EFHC2: variants seen among roughly 807,000 people sequenced by gnomAD.
EFHC2 encodes EF-hand domain-containing family member C2.
A neutral mutation model predicts 52.7 loss-of-function variants in EFHC2; 18 were observed. The ratio of observed to expected loss-of-function variants is 0.34; its 90% CI spans 0.24 to 0.51. The LOEUF (loss-of-function observed/expected upper bound fraction) is 0.51. Among genes scored for constraint, EFHC2 ranks in the 20% least tolerant of loss-of-function variants. The pLI is 0.97. For missense variants in EFHC2, 513 were observed against 562.5 expected (o/e 0.91, Z 0.89); for synonymous variants, 203 against 204.1 (o/e 0.99, Z 0.04).
chrX:44,275,118 T>C (rs1316740198), intron 2 of EFHC2, among the ~76,000 whole-genome samples: 2 of 111,613 alleles, frequency 1.8e-5, no homozygotes, highest in African/African-American at 3.3e-5. Context: ...TACACTGGCA[T>C]AGGTCAATTG....
intron 2 of EFHC2, among the ~76,000 whole-genome samples, chrX:44,276,299 G>A (rs974731014): frequency 8.1e-5 from 9 of 111,292 alleles, no homozygotes; most frequent in Non-Finnish European, 1.1e-4. Flanking sequence ...ATGGTGGTGC[G>A]TGCCTCATAG....
chrX:44,309,508 A>G (rs945458240), intron 2 of EFHC2: 2 of 1,209,254 alleles, frequency 1.7e-6, no homozygotes, highest in Non-Finnish European at 2.2e-6. Context: ...CACAAACTCA[A>G]TGTATTGCTT....
chrX:44,273,000 T>G (rs2037628562), intron 2 of EFHC2, among the ~76,000 whole-genome samples, 164 bp from the exon 3 acceptor site: 1 of 112,244 alleles, frequency 8.9e-6, no homozygotes, highest in Non-Finnish European at 1.9e-5. Context: ...GGATATACAA[T>G]CTAAGATACA....
At chrX:44,295,059 A>G (rs1280650014) in intron 2 of EFHC2, among the ~76,000 whole-genome samples, 2 of 111,683 alleles carry the variant, frequency 1.8e-5, no homozygotes. Flanking sequence ...GAGGTTAAGT[A>G]ATCTACACAC....
At position 44,191,325 on chromosome X, in the gene EFHC2, T is replaced by C. The variant is rs189881447; in HGVS notation, c.1752-12761A>G. On this transcript the variant is annotated intron_variant, in intron 11 of 14. Transcript: ENST00000420999. ...ATCTCAGCTCACTGTAACCTCCGCC[T>C]CCCGGGTTTAAGCGATTCTCCTGCC... 3.6e-4 allele frequency among the ~76,000 whole-genome samples: 40 copies of C among 110,774 alleles called. No homozygotes were observed. The South Asian group carries it at 0.014, about 38-fold the overall frequency.
intron 2 of EFHC2, among the ~76,000 whole-genome samples, chrX:44,277,834 A>G (rs1313831032): frequency 9.0e-6 from 1 of 110,934 alleles, no homozygotes; most frequent in East Asian, 2.8e-4. Context: ...TGTACCAAAA[A>G]TAAATCTAAA....
intron 14 of EFHC2, among the ~76,000 whole-genome samples, chrX:44,153,995 T>G (rs2036589023): frequency 8.9e-6 from 1 of 112,761 alleles, no homozygotes; most frequent in Non-Finnish European, 1.9e-5. Flanking sequence ...GGAGGAGTCA[T>G]CCACAGAAGT....
chrX:44,318,934 C>T (rs1211397760), intron 1 of EFHC2, among the ~76,000 whole-genome samples: 1 of 109,882 alleles, frequency 9.1e-6, no homozygotes, highest in East Asian at 2.8e-4. Flanking sequence ...TGAGGCAGCA[C>T]GTCTGAAGAC....
At chrX:44,167,715 C>T (rs1225033671) in intron 13 of EFHC2, among the ~76,000 whole-genome samples, 1 of 111,684 alleles carries the variant, frequency 9.0e-6, no homozygotes, top group Admixed American at 9.5e-5. Context: ...CCAAGTTTTC[C>T]TTTTCAGTTC....
At chrX:44,156,228 T>C (rs1263414966) in intron 14 of EFHC2, among the ~76,000 whole-genome samples, 1 of 112,530 alleles carries the variant, frequency 8.9e-6, no homozygotes, top group Non-Finnish European at 1.9e-5. Flanking sequence ...TACTAGGTTA[T>C]TGCTCTGTGT....
At chrX:44,276,368 G>T (rs150548449) in intron 2 of EFHC2, among the ~76,000 whole-genome samples, 2,462 of 111,757 alleles carry the variant, frequency 0.022, 81 homozygotes, top group African/African-American at 0.076. Context: ...ATTTAAGGCT[G>T]CACTGGGCTA....
At chrX:44,248,613 A>G (rs1339903059) in intron 6 of EFHC2, among the ~76,000 whole-genome samples, 190 bp downstream of exon 6, 1 of 112,708 alleles carries the variant, frequency 8.9e-6, no homozygotes, top group Non-Finnish European at 1.9e-5. Context: ...TACAAACTGC[A>G]ATGCATTGCA....
intron 8 of EFHC2, among the ~76,000 whole-genome samples, chrX:44,237,836 C>T (rs943882405): frequency 9.0e-6 from 1 of 110,985 alleles, no homozygotes; most frequent in Non-Finnish European, 1.9e-5. Flanking sequence ...TCCTTTTTTC[C>T]CCAAGCTCCT....
At chrX:44,229,929 T>C in intron 10 of EFHC2, 150 bp from the exon 11 acceptor site, 3 of 524,017 alleles carry the variant, frequency 5.7e-6, no homozygotes, top group South Asian at 3.5e-5. Context: ...CGAGAAGGCA[T>C]GACTAGCTTT....
chrX:44,341,240 A>C (rs2038150028), intron 1 of EFHC2, among the ~76,000 whole-genome samples: 1 of 112,047 alleles, frequency 8.9e-6, no homozygotes, highest in Admixed American at 9.5e-5. Flanking sequence ...AACAGTGGTT[A>C]TATCTGGAGA....
At chrX:44,166,114 T>C (rs2036694817) in intron 13 of EFHC2, among the ~76,000 whole-genome samples, 1 of 111,372 alleles carries the variant, frequency 9.0e-6, no homozygotes, top group African/African-American at 3.3e-5. Context: ...TTATGATATT[T>C]TTAAAAGATC....
At chrX:44,234,663 G>A (rs1210509159) in intron 9 of EFHC2, among the ~76,000 whole-genome samples, 2 of 111,895 alleles carry the variant, frequency 1.8e-5, no homozygotes, top group African/African-American at 3.2e-5. Flanking sequence ...TCCCAAATGC[G>A]TGTCTTCAGC....
At chrX:44,341,704 C>T (rs969926514) in intron 1 of EFHC2, among the ~76,000 whole-genome samples, 3 of 112,822 alleles carry the variant, frequency 2.7e-5, no homozygotes, top group Non-Finnish European at 5.6e-5. Context: ...CCCATCTCTG[C>T]TTCCCAAAGT....
At chrX:44,269,773 G>C (rs2037604220) in intron 3 of EFHC2, among the ~76,000 whole-genome samples, 1 of 111,244 alleles carries the variant, frequency 9.0e-6, no homozygotes, top group African/African-American at 3.3e-5. Flanking sequence ...TATTCCTTTA[G>C]AGCAATGCAA....
Sources: allele counts gnomAD v4.1 joint callset (sites outside exome capture counted in the v4.1 genomes callset), GRCh38; gene constraint gnomAD v4.1.1; transcripts MANE v1.5; gene names NCBI Gene and HGNC (gene_info 2026-07-23, HGNC 2026-07-21).